ZBTB16: variants seen among roughly 807,000 people sequenced by gnomAD.
ZBTB16 encodes zinc finger and BTB domain-containing protein 16.
ZBTB16 carries 8 observed loss-of-function variants against 56.8 expected under a neutral mutation model. The observed-to-expected ratio is 0.14, with a 90% CI of 0.08 to 0.25. The LOEUF (loss-of-function observed/expected upper bound fraction) is 0.25, where lower values mean the gene tolerates loss of function less well. ZBTB16 is among the 10% of genes least tolerant of loss of function. ZBTB16 has a pLI of 1.00. For synonymous variants in ZBTB16, 363 were observed against 368.5 expected (o/e 0.98, Z 0.17); for missense variants, 625 against 903.0 (o/e 0.69, Z 3.95).
chr11:114,186,911 G>A (rs1396841025), intron 3 of ZBTB16, 41 bp from the exon 4 acceptor site: 6 of 1,598,262 alleles, frequency 3.8e-6, no homozygotes, highest in South Asian at 1.1e-5. Context: ...GCTCACCAGT[G>A]GACTATTGCT....
At chr11:114,161,664 A>G (rs1163941329) in intron 3 of ZBTB16, among the ~76,000 whole-genome samples, 3 of 152,168 alleles carry the variant, frequency 2.0e-5, no homozygotes, top group African/African-American at 4.8e-5. Flanking sequence ...GGGAGAGAGC[A>G]GAGTGCAGGG....
rs191982254 is a variant in ZBTB16 at position 114,182,113 on chromosome 11, G to A, written c.1367-4839G>A. Among the ~76,000 whole-genome samples, 869 of 152,304 alleles carry A rather than the reference G, an allele frequency of 5.7e-3. 10 individuals are homozygous for A. Among genetic ancestry groups the A allele is most frequent in the African/African-American group, 0.02 (825 of 41,552 alleles). On this transcript the variant is annotated intron_variant, in intron 3 of 6. Coordinates refer to ENST00000335953, the MANE Select transcript of ZBTB16 (RefSeq NM_006006.6). ...GTTTCCCAGGCTGGAGTGCAATGGT[G>A]TGATCTCAGCTCACTGCAACCTCTG... is the stretch of plus-strand genomic sequence containing the variant.
intron 2 of ZBTB16, among the ~76,000 whole-genome samples, chr11:114,137,392 T>G (rs968730232): frequency 6.6e-6 from 1 of 152,066 alleles, no homozygotes; most frequent in Non-Finnish European, 1.5e-5. Flanking sequence ...GGGAAAGAAA[T>G]GGAAGTGGAA....
rs1000454886 is a variant in ZBTB16 at position 114,059,833 on chromosome 11, A to C, written c.-140A>C. On this transcript the variant is annotated 5_prime_UTR_variant, in exon 1 of 7. Transcript: ENST00000335953. The surrounding 1 kb of genome is among the most constrained non-coding windows in gnomAD (Gnocchi z 5.3). ...ACACCCCTCCCCGACACAGGCACAC[A>C]CCCCCCGACAGGCACGCACACCCAC... 8 of 396,816 alleles carry C rather than the reference A, an allele frequency of 2.0e-5. No individual in the cohort carries two copies. Among genetic ancestry groups the C allele is most frequent in the African/African-American group, 1.7e-4 (8 of 48,222 alleles). 24.6% of individuals were successfully genotyped at this position (396,816 alleles called of 1,614,324 possible).
At chr11:114,170,758 C>T (rs893958083) in intron 3 of ZBTB16, among the ~76,000 whole-genome samples, 2 of 152,160 alleles carry the variant, frequency 1.3e-5, no homozygotes, top group African/African-American at 2.4e-5. Flanking sequence ...AGCTCATTGG[C>T]GGCTGCATTT....
At position 114,250,318 on chromosome 11, in the gene ZBTB16, G is replaced by A. The variant is rs781056767; in HGVS notation, c.1793-8G>A. ...TCACTTTCTCCTGCCCTGTCCCTCC[G>A]CCCTCAGGTGAGAAGCCCTTTGAGT... is the stretch of plus-strand genomic sequence containing the variant. On this transcript the variant is annotated splice_region_variant and splice_polypyrimidine_tract_variant and intron_variant, in intron 6 of 6. Transcript: ENST00000335953. The surrounding 1 kb of genome is among the most constrained non-coding windows in gnomAD (Gnocchi z 6.0). 7.5e-6 allele frequency: 12 copies of A among 1,610,076 alleles called. No homozygotes were observed. Among genetic ancestry groups the A allele is most frequent in the Admixed American group, 3.3e-5 (2 of 60,002 alleles).
At chr11:114,075,217 C>T (rs1436104976) in intron 2 of ZBTB16, among the ~76,000 whole-genome samples, 9 of 152,132 alleles carry the variant, frequency 5.9e-5, no homozygotes, top group African/African-American at 4.8e-5. Context: ...AACCTGGGTT[C>T]GAATTAATCT....
chr11:114,162,919 C>G (rs1466236391), intron 3 of ZBTB16, among the ~76,000 whole-genome samples: 1 of 152,146 alleles, frequency 6.6e-6, no homozygotes, highest in Non-Finnish European at 1.5e-5. Context: ...GCTTCCCGAA[C>G]TTTTTCCCAG....
Position 114,235,690 on chromosome 11 carries a change from C to CTTTCT in ZBTB16, c.1454-6474_1454-6473insCTTTT, listed in dbSNP as rs1555159923. Among the ~76,000 whole-genome samples, 16 of 68,290 alleles carry CTTTCT rather than the reference C, an allele frequency of 2.3e-4. 1 individual carries two copies. Among genetic ancestry groups the CTTTCT allele is most frequent in the African/African-American group, 1.0e-3 (16 of 15,316 alleles). The allele number at this position is 68,290 out of a possible 152,430, so 44.8% of individuals were successfully genotyped here. On this transcript the variant is annotated intron_variant, in intron 4 of 6. Transcript: ENST00000335953. ...TCTTTCTTTCTTTCTTTCTTTCTTT[C>CTTTCT]TTTTCTTTCTTTCTTTTCTTTCTTT...
intron 4 of ZBTB16, among the ~76,000 whole-genome samples, chr11:114,216,824 C>A (rs900313865): frequency 2.0e-5 from 3 of 152,196 alleles, no homozygotes; most frequent in Non-Finnish European, 2.9e-5. Flanking sequence ...TGCTTAAATG[C>A]TGGGAATAGA....
At position 114,084,630 on chromosome 11, in the gene ZBTB16, G is replaced by T. The variant is rs535384540; in HGVS notation, c.1268+20062G>T. Among the ~76,000 whole-genome samples, 10 of 152,202 alleles carry T rather than the reference G, an allele frequency of 6.6e-5. No individual in the cohort carries two copies. The South Asian group carries it at 2.1e-3, about 32-fold the overall frequency. On this transcript the variant is annotated intron_variant, in intron 2 of 6. Coordinates refer to ENST00000335953, the MANE Select transcript of ZBTB16 (RefSeq NM_006006.6). ...GAGAAGGAGCAGGTGCCAGGGTCAG[G>T]CAGGGGAGGGAGCCCCCACTCCGTG... is the stretch of plus-strand genomic sequence containing the variant.
intron 4 of ZBTB16, among the ~76,000 whole-genome samples, chr11:114,206,860 C>A (rs891976271): frequency 3.3e-5 from 5 of 152,214 alleles, no homozygotes; most frequent in Admixed American, 1.3e-4. Context: ...ATGGCTTCTG[C>A]ACACAGCATT....
intron 2 of ZBTB16, among the ~76,000 whole-genome samples, chr11:114,075,014 CAT>C (rs939228536): frequency 1.3e-5 from 2 of 152,172 alleles, no homozygotes; most frequent in East Asian, 1.9e-4. Context: ...TGCCTAGGTA[CAT>C]GTGTGTGTGG....
chr11:114,209,664 A>G (rs763595402), intron 4 of ZBTB16: 3 of 985,462 alleles, frequency 3.0e-6, no homozygotes, highest in Non-Finnish European at 3.6e-6. Context: ...GTTAAGGAAG[A>G]GAAAAATTAA....
chr11:114,095,175 G>A (rs964807658), intron 2 of ZBTB16, among the ~76,000 whole-genome samples: 1 of 151,136 alleles, frequency 6.6e-6, no homozygotes, highest in Non-Finnish European at 1.5e-5. Flanking sequence ...CAGTCAATGC[G>A]CTCTTTAGGG....
intron 3 of ZBTB16, among the ~76,000 whole-genome samples, chr11:114,166,061 C>G (rs1387230289): frequency 6.6e-6 from 1 of 152,148 alleles, no homozygotes; most frequent in Non-Finnish European, 1.5e-5. Flanking sequence ...GGCCTCCACA[C>G]TAACCCTCGG....
At chr11:114,101,741 G>A (rs1940614509) in intron 2 of ZBTB16, among the ~76,000 whole-genome samples, 1 of 152,226 alleles carries the variant, frequency 6.6e-6, no homozygotes, top group African/African-American at 2.4e-5. Context: ...TATTATTGGA[G>A]TGCCCAGTAA....
chr11:114,157,786 C>T (rs936660221), intron 3 of ZBTB16, among the ~76,000 whole-genome samples: 1 of 152,144 alleles, frequency 6.6e-6, no homozygotes, highest in Non-Finnish European at 1.5e-5. Context: ...CTTCCAGGCG[C>T]ACGGATTTGT....
chr11:114,169,555 C>T (rs1942894531), intron 3 of ZBTB16, among the ~76,000 whole-genome samples: 1 of 152,188 alleles, frequency 6.6e-6, no homozygotes, highest in African/African-American at 2.4e-5. Flanking sequence ...AGTCATTCAT[C>T]AGTTAGCAAC....
Sources: gnomAD v4.1 joint callset for allele counts (sites outside exome capture counted in the v4.1 genomes callset) on GRCh38, gnomAD v4.1.1 for gene constraint, Gnocchi (gnomAD v3.1) non-coding constraint, MANE v1.5 for transcripts, NCBI Gene and HGNC (gene_info 2026-07-23, HGNC 2026-07-21) for gene names.